The following NUAK1 variants were observed in gnomAD, a reference collection of about 807,000 sequenced individuals.
NUAK1 encodes the protein NUAK family SNF1-like kinase 1.
NUAK1 carries 26 observed loss-of-function variants against 56.9 expected under a neutral mutation model. That is an observed-to-expected ratio of 0.46 (90% CI 0.33 to 0.63). NUAK1 has a LOEUF of 0.63. Among genes scored for constraint, NUAK1 ranks in the 30% least tolerant of loss-of-function variants. The pLI is 0.02. For missense variants in NUAK1, 727 were observed against 876.1 expected (o/e 0.83, Z 2.15); for synonymous variants, 337 against 336.0 (o/e 1.00, Z -0.03).
intron 1 of NUAK1, among the ~76,000 whole-genome samples, chr12:106,116,999 C>T (rs1377151231): frequency 1.3e-5 from 2 of 152,148 alleles, no homozygotes; most frequent in Admixed American, 6.5e-5. Flanking sequence ...TCCTAGAGAA[C>T]ATGAACTAGA....
chr12:106,079,424 A>C (rs1395972113), intron 4 of NUAK1, among the ~76,000 whole-genome samples: 1 of 152,158 alleles, frequency 6.6e-6, no homozygotes, highest in East Asian at 1.9e-4. Flanking sequence ...CCTGCTCAGC[A>C]CTTCCAGAAT....
chr12:106,067,595 T>C lies in NUAK1; in HGVS notation c.1193A>G (p.Lys398Arg), dbSNP rs2032357583. 6.2e-7 allele frequency: 1 copy of C among 1,614,238 alleles called. No individual in the cohort carries two copies. The highest frequency in any genetic ancestry group is 1.1e-5 in the South Asian group (1 of 91,086). ...SPSKLSSKRP[K>R]GILKKRSNSE... ...GTTGCTTCGCTTCTTCAGGATCCCC[T>C]TGGGCCTCTTAGAACTCAACTTGGA... The change falls in exon 7 of 7, where the codon AAG becomes AGG. Residue 398 changes from lysine to arginine, a missense_variant. Coordinates refer to ENST00000261402, the MANE Select transcript of NUAK1 (RefSeq NM_014840.3). This position sits in a 1 kb window ranked among gnomAD's most constrained non-coding sequence, Gnocchi z 6.0.
intron 4 of NUAK1, among the ~76,000 whole-genome samples, chr12:106,074,178 A>C (rs1008161801): frequency 1.3e-5 from 2 of 152,112 alleles, no homozygotes; most frequent in Non-Finnish European, 2.9e-5. Flanking sequence ...ACACCCAAGA[A>C]ACACTTGTCA....
intron 1 of NUAK1, among the ~76,000 whole-genome samples, chr12:106,112,433 C>T (rs745531479): frequency 4.6e-5 from 7 of 151,650 alleles, no homozygotes; most frequent in African/African-American, 9.7e-5. Context: ...ACAGCCCCAC[C>T]GAGGCCACAC....
At chr12:106,109,006 T>C (rs1036880731) in intron 1 of NUAK1, among the ~76,000 whole-genome samples, 1 of 152,078 alleles carries the variant, frequency 6.6e-6, no homozygotes, top group Non-Finnish European at 1.5e-5. Context: ...TCCACAAAAA[T>C]TTTCCCTTTT....
At chr12:106,111,741 A>G (rs2032861120) in intron 1 of NUAK1, among the ~76,000 whole-genome samples, 1 of 152,052 alleles carries the variant, frequency 6.6e-6, no homozygotes, top group Admixed American at 6.6e-5. Flanking sequence ...ACATTTTTAA[A>G]TCAGTGGCAA....
At chr12:106,114,575 TCTC>T (rs144151756) in intron 1 of NUAK1, among the ~76,000 whole-genome samples, 2,740 of 152,266 alleles carry the variant, frequency 0.018, 84 homozygotes, top group African/African-American at 0.062. Flanking sequence ...TCTATGCCAA[TCTC>T]CTCATGTTAC....
At chr12:106,084,794 C>G (rs961339231) in intron 3 of NUAK1, among the ~76,000 whole-genome samples, 1 of 152,080 alleles carries the variant, frequency 6.6e-6, no homozygotes, top group African/African-American at 2.4e-5. Context: ...GCAGTGGGCC[C>G]GAAAGAACTG....
chr12:106,083,348 G>A (rs1045638512), intron 4 of NUAK1, among the ~76,000 whole-genome samples: 3 of 152,132 alleles, frequency 2.0e-5, no homozygotes, highest in Non-Finnish European at 2.9e-5. Flanking sequence ...ATTTGGGCTC[G>A]TGAAATCAGA....
chr12:106,092,774 A>G (rs1235432893), intron 2 of NUAK1, among the ~76,000 whole-genome samples: 1 of 152,142 alleles, frequency 6.6e-6, no homozygotes, highest in African/African-American at 2.4e-5. Flanking sequence ...TTGGGTAGAT[A>G]CCCAGCAAGA....
chr12:106,132,036 T>G (rs928119732), intron 1 of NUAK1, among the ~76,000 whole-genome samples: 1 of 152,188 alleles, frequency 6.6e-6, no homozygotes, highest in Non-Finnish European at 1.5e-5. Flanking sequence ...GACTTTCATG[T>G]GGGAAAGACA....
intron 1 of NUAK1, among the ~76,000 whole-genome samples, chr12:106,124,770 G>A (rs1042202672): frequency 6.6e-6 from 1 of 152,082 alleles, no homozygotes; most frequent in Non-Finnish European, 1.5e-5. Flanking sequence ...AGCACTACAG[G>A]AGGCTGAGGC....
At chr12:106,121,522 A>T (rs764452092) in intron 1 of NUAK1, among the ~76,000 whole-genome samples, 2 of 152,180 alleles carry the variant, frequency 1.3e-5, no homozygotes, top group African/African-American at 4.8e-5. Flanking sequence ...GGCCAAGGCC[A>T]GCAGATCACT....
chr12:106,088,547 G>C (rs2032599190), intron 2 of NUAK1, among the ~76,000 whole-genome samples: 1 of 152,188 alleles, frequency 6.6e-6, no homozygotes, highest in Admixed American at 6.5e-5. Context: ...GTTGGAATGA[G>C]ATACTCCTAG....
At chr12:106,109,687 A>T (rs2032839369) in intron 1 of NUAK1, among the ~76,000 whole-genome samples, 1 of 152,154 alleles carries the variant, frequency 6.6e-6, no homozygotes, top group Non-Finnish European at 1.5e-5. Context: ...CTTTAAGTCC[A>T]GGCTAAAATC....
chr12:106,126,516 A>G (rs2033026148), intron 1 of NUAK1, among the ~76,000 whole-genome samples: 1 of 152,224 alleles, frequency 6.6e-6, no homozygotes, highest in African/African-American at 2.4e-5. Flanking sequence ...AAGTCAGGTG[A>G]CAGCATCTAT....
rs773754809 is a variant in NUAK1 at position 106,067,961 on chromosome 12, G to T, written c.833-6C>A. Reference sequence around the variant, plus strand: ...CCGTATGAGTCCTCGAGCATCTAAGGGACAAGGGACAAAAAGAATCGGGCA... The same window carrying T: ...CCGTATGAGTCCTCGAGCATCTAAGTGACAAGGGACAAAAAGAATCGGGCA... On this transcript the variant is annotated splice_polypyrimidine_tract_variant and splice_region_variant and intron_variant, in intron 6 of 6. Transcript: ENST00000261402. The surrounding 1 kb of genome is among the most constrained non-coding windows in gnomAD (Gnocchi z 6.0). The T allele has an allele frequency of 1.3e-6, 2 of 1,590,862 alleles. No individual in the cohort carries two copies. The highest frequency in any genetic ancestry group is 1.7e-6 in the Non-Finnish European group (2 of 1,166,654).
intron 2 of NUAK1, among the ~76,000 whole-genome samples, chr12:106,104,928 G>A (rs1257705580): frequency 6.6e-6 from 1 of 150,938 alleles, no homozygotes; most frequent in Non-Finnish European, 1.5e-5. Context: ...CTTATAATCT[G>A]ACCACGAATT....
In NUAK1 at chr12:106,067,235, G is replaced by A. The variant is rs778025072; in HGVS notation, c.1553C>T (p.Ser518Phe). Residue 518 changes from serine (S) to phenylalanine (F), a missense_variant, in exon 7 of 7, where the codon TCC becomes TTC. Ser to Phe is a radical substitution (Grantham distance 155). Coordinates refer to ENST00000261402, the MANE Select transcript of NUAK1 (RefSeq NM_014840.3). This position sits in a 1 kb window ranked among gnomAD's most constrained non-coding sequence, Gnocchi z 6.0. ...TTTCAAGATGCCCTTCCTCCGGCAGGAGAGGCTGTGGGAGGTTACCCTGGC... is the reference window on the plus strand; with the variant it reads ...TTTCAAGATGCCCTTCCTCCGGCAGAAGAGGCTGTGGGAGGTTACCCTGGC... Reference protein sequence around the residue: ...DPARVTSHSLSCRRKGILKHS... With the variant: ...DPARVTSHSLFCRRKGILKHS... The A allele has an allele frequency of 5.0e-6, 8 of 1,614,144 alleles. No homozygotes were observed. The highest frequency in any genetic ancestry group is 5.9e-6 in the Non-Finnish European group (7 of 1,180,024).
Sources: allele counts gnomAD v4.1 joint callset (sites outside exome capture counted in the v4.1 genomes callset), GRCh38; gene constraint gnomAD v4.1.1; non-coding constraint Gnocchi (gnomAD v3.1); transcripts MANE v1.5; gene names NCBI Gene and HGNC (gene_info 2026-07-23, HGNC 2026-07-21).